CNTNAP5: variants seen among roughly 807,000 people sequenced by gnomAD.
CNTNAP5 encodes the protein contactin-associated protein-like 5.
In CNTNAP5, 72 loss-of-function variants were observed where a neutral mutation model predicts 150.2. The ratio of observed to expected loss-of-function variants is 0.48; its 90% confidence interval spans 0.40 to 0.58. The LOEUF is 0.58. Ranked by LOEUF, CNTNAP5 falls within the 20% of genes least tolerant of loss-of-function variation. CNTNAP5 has a pLI of 0.00. For missense variants in CNTNAP5, 1,636 were observed against 1,626.2 expected (o/e 1.01, Z -0.10); for synonymous variants, 672 against 619.8 (o/e 1.08, Z -1.25).
chr2:124,637,501 C>T (rs1252281867), intron 12 of CNTNAP5, among the ~76,000 whole-genome samples: 1 of 152,156 alleles, frequency 6.6e-6, no homozygotes, highest in Non-Finnish European at 1.5e-5. Context: ...TTCTCGCTAT[C>T]ATTTGGCTAA....
Position 124,361,843 on chromosome 2 carries a change from C to G in CNTNAP5, c.382-55600C>G, listed in dbSNP as rs567482261. ...GAGCTGTGGTGAGCTCCACCCAGTTCGAGCTTCCCAGCTGCTTTGTTTACC... is the reference window on the plus strand; with the variant it reads ...GAGCTGTGGTGAGCTCCACCCAGTTGGAGCTTCCCAGCTGCTTTGTTTACC... On this transcript the variant is annotated intron_variant, in intron 3 of 23. Coordinates refer to ENST00000682447, the MANE Select transcript of CNTNAP5 (RefSeq NM_001367498.1). Among the ~76,000 whole-genome samples, 155 of 152,252 alleles carry G rather than the reference C, an allele frequency of 1.0e-3. 1 individual carries two copies. Among genetic ancestry groups the G allele is most frequent in the Non-Finnish European group, 1.1e-3 (76 of 68,014 alleles).
At chr2:124,303,710 C>G (rs115502289) in intron 3 of CNTNAP5, among the ~76,000 whole-genome samples, 1 of 152,162 alleles carries the variant, frequency 6.6e-6, no homozygotes, top group Non-Finnish European at 1.5e-5. Flanking sequence ...ACCTAACTCA[C>G]CTTCTGAATC....
chr2:124,308,868 G>T (rs1348156202), intron 3 of CNTNAP5, among the ~76,000 whole-genome samples: 4 of 152,158 alleles, frequency 2.6e-5, no homozygotes, highest in African/African-American at 9.7e-5. Context: ...GAGTGCACTG[G>T]CTTCAAATTC....
chr2:124,599,947 T>C (rs1379730750), intron 11 of CNTNAP5, among the ~76,000 whole-genome samples: 1 of 152,154 alleles, frequency 6.6e-6, no homozygotes, highest in Non-Finnish European at 1.5e-5. Context: ...AACTTGAGAT[T>C]TAGAACCATG....
intron 1 of CNTNAP5, among the ~76,000 whole-genome samples, chr2:124,216,259 G>A (rs373846922): frequency 6.6e-6 from 1 of 151,944 alleles, no homozygotes; most frequent in Non-Finnish European, 1.5e-5. Flanking sequence ...AAGAAAAGGA[G>A]TACAGATGAC....
chr2:124,330,206 A>T (rs1012860772), intron 3 of CNTNAP5, among the ~76,000 whole-genome samples: 4 of 152,066 alleles, frequency 2.6e-5, no homozygotes, highest in Non-Finnish European at 4.4e-5. Context: ...TATAATATCA[A>T]CCTCAGTTCC....
intron 3 of CNTNAP5, among the ~76,000 whole-genome samples, chr2:124,322,778 C>G (rs1056250564): frequency 1.3e-5 from 2 of 152,140 alleles, no homozygotes; most frequent in Admixed American, 6.5e-5. Context: ...GGTGATGAAA[C>G]CATCACTTCC....
chr2:124,871,108 C>T (rs768323316), intron 21 of CNTNAP5, among the ~76,000 whole-genome samples: 39 of 151,954 alleles, frequency 2.6e-4, no homozygotes, highest in Non-Finnish European at 5.4e-4. Context: ...TCAGATACTG[C>T]TTATTTTTGA....
chr2:124,062,810 T>A (rs1682046965), intron 1 of CNTNAP5, among the ~76,000 whole-genome samples: 1 of 152,084 alleles, frequency 6.6e-6, no homozygotes, highest in Non-Finnish European at 1.5e-5. Flanking sequence ...GGAGTTTTTT[T>A]GGTGTGGTTT....
In CNTNAP5 at chr2:124,126,347, G is replaced by A. The variant is rs186627642; in HGVS notation, c.83-95358G>A. Among the ~76,000 whole-genome samples, 7 of 152,224 alleles carry A rather than the reference G, an allele frequency of 4.6e-5. No homozygotes were observed. In the East Asian group the frequency reaches 1.4e-3, roughly 29 times the overall value. The stretch of plus-strand genomic sequence containing the variant: ...TTCCTCGACACATACACCCTCCCAA[G>A]ACTAAATCAGGAAGAAGTTGAATCT... On this transcript the variant is annotated intron_variant, in intron 1 of 23. Coordinates refer to ENST00000682447, the MANE Select transcript of CNTNAP5 (RefSeq NM_001367498.1).
At chr2:124,659,332 A>G (rs1423196656) in intron 13 of CNTNAP5, among the ~76,000 whole-genome samples, 1 of 152,178 alleles carries the variant, frequency 6.6e-6, no homozygotes, top group Non-Finnish European at 1.5e-5. Flanking sequence ...TGCTTTCTAT[A>G]TGGTAGCGGT....
At chr2:124,637,991 C>A in intron 12 of CNTNAP5, among the ~76,000 whole-genome samples, 1 of 151,906 alleles carries the variant, frequency 6.6e-6, no homozygotes, top group East Asian at 1.9e-4. Flanking sequence ...TATTTGGAAA[C>A]CAAGACCTAG....
intron 3 of CNTNAP5, among the ~76,000 whole-genome samples, chr2:124,244,122 A>G (rs1162828635): frequency 6.6e-6 from 1 of 152,048 alleles, no homozygotes; most frequent in African/African-American, 2.4e-5. Context: ...CTTCTTTAGA[A>G]CCAAATAATC....
chr2:124,919,644 T>C lies in CNTNAP5; in HGVS notation c.*5356T>C, dbSNP rs1678834417. 6.6e-6 allele frequency among the ~76,000 whole-genome samples: 1 copy of C among 152,096 alleles called. No individual in the cohort carries two copies. Among genetic ancestry groups the C allele is most frequent in the South Asian group, 2.1e-4 (1 of 4,830 alleles). ...TCTCTTTAGTGCATTTGGATCATTG[T>C]CTTACTCATTAGGGAAAGAGGCAAT... On this transcript the variant is annotated 3_prime_UTR_variant, in exon 24 of 24. Transcript: ENST00000682447.
intron 12 of CNTNAP5, among the ~76,000 whole-genome samples, chr2:124,640,788 G>A (rs1370742644): frequency 3.3e-5 from 5 of 152,076 alleles, no homozygotes; most frequent in African/African-American, 4.8e-5. Context: ...ACGGTTCATA[G>A]CAGATCAGCT....
chr2:124,557,313 T>C (rs1201444128), intron 10 of CNTNAP5, among the ~76,000 whole-genome samples: 1 of 140,808 alleles, frequency 7.1e-6, no homozygotes, highest in Non-Finnish European at 1.5e-5. Flanking sequence ...CTTTTTCCAC[T>C]GTTTTCTCAC....
intron 3 of CNTNAP5, among the ~76,000 whole-genome samples, chr2:124,270,669 A>C (rs1687725257): frequency 6.6e-6 from 1 of 152,140 alleles, no homozygotes; most frequent in Admixed American, 6.5e-5. Context: ...AAGTTTGTAA[A>C]TTAAATGCCA....
intron 6 of CNTNAP5, among the ~76,000 whole-genome samples, 169 bp from the exon 7 acceptor site, chr2:124,474,570 T>C (rs1374792737): frequency 6.6e-6 from 1 of 152,146 alleles, no homozygotes; most frequent in Admixed American, 6.6e-5. Context: ...TATTTTTACA[T>C]AGGCTAATCA....
Position 124,419,140 on chromosome 2 carries a change from C to CAAAAA in CNTNAP5, c.529+1569_529+1573dup, listed in dbSNP as rs778863758. Among the ~76,000 whole-genome samples, 75 of 28,908 alleles carry CAAAAA rather than the reference C, an allele frequency of 2.6e-3. 5 individuals are homozygous for CAAAAA. Among genetic ancestry groups the CAAAAA allele is most frequent in the African/African-American group, 7.3e-3 (69 of 9,428 alleles). 19.0% of individuals were successfully genotyped at this position (28,908 alleles called of 152,430 possible). A position where few individuals can be genotyped will look rare whatever the true frequency, so the allele number is the denominator to read the frequency against. ...TGGGCGACAGAGCGAGACTCCTTCT[C>CAAAAA]AAAAAAAAAAAAAAAAAAAAAAACA... On this transcript the variant is annotated intron_variant, in intron 4 of 23. Transcript: ENST00000682447.
Sources: allele counts gnomAD v4.1 joint callset (sites outside exome capture counted in the v4.1 genomes callset), GRCh38; gene constraint gnomAD v4.1.1; transcripts MANE v1.5; gene names NCBI Gene and HGNC (gene_info 2026-07-23, HGNC 2026-07-21).